LRFN5: variants seen among roughly 807,000 people sequenced by gnomAD.
LRFN5 encodes leucine rich repeat and fibronectin type III domain containing 5.
Under a neutral mutation model 45.6 loss-of-function variants are expected in LRFN5, and 24 were observed. The observed-to-expected ratio is 0.53, with a 90% CI of 0.38 to 0.74. The LOEUF (loss-of-function observed/expected upper bound fraction) is 0.74. LRFN5 is among the 30% of genes least tolerant of loss of function. LRFN5 has a pLI of 0.00. For missense variants in LRFN5, 776 were observed against 861.5 expected (o/e 0.90, Z 1.24); for synonymous variants, 340 against 313.8 (o/e 1.08, Z -0.88).
chr14:41,786,456 A>G (rs921391602), intron 2 of LRFN5, among the ~76,000 whole-genome samples: 4 of 151,472 alleles, frequency 2.6e-5, no homozygotes, highest in Admixed American at 2.0e-4. Context: ...ATATTTTCTG[A>G]GAACAGCATA....
At chr14:41,685,108 T>A (rs1256678019) in intron 1 of LRFN5, among the ~76,000 whole-genome samples, 4 of 152,166 alleles carry the variant, frequency 2.6e-5, no homozygotes, top group Admixed American at 1.3e-4. Context: ...AGATACTATC[T>A]TGTGCAAGTT....
intron 2 of LRFN5, among the ~76,000 whole-genome samples, chr14:41,834,515 C>T (rs950798585): frequency 2.0e-5 from 3 of 152,144 alleles, no homozygotes; most frequent in African/African-American, 7.2e-5. Context: ...ATGCTAATTA[C>T]ATAACATGTT....
intron 2 of LRFN5, among the ~76,000 whole-genome samples, chr14:41,884,941 T>C (rs936486633): frequency 1.3e-5 from 2 of 152,174 alleles, no homozygotes; most frequent in Non-Finnish European, 2.9e-5. Context: ...TCATAAAATA[T>C]GCTTTAATTA....
intron 2 of LRFN5, among the ~76,000 whole-genome samples, chr14:41,847,138 AT>A (rs563262184): frequency 8.6e-5 from 13 of 151,216 alleles, no homozygotes; most frequent in Admixed American, 3.3e-4. Context: ...AAGAGTAATT[AT>A]TTTTTTTTAG....
At chr14:41,900,501 CA>C (rs1486813089) in intron 5 of LRFN5, among the ~76,000 whole-genome samples, 7 of 151,752 alleles carry the variant, frequency 4.6e-5, no homozygotes, top group Non-Finnish European at 8.8e-5. Flanking sequence ...ATTAGTATTA[CA>C]AAAAATAAGA....
At chr14:41,803,491 A>G (rs1362602301) in intron 2 of LRFN5, among the ~76,000 whole-genome samples, 1 of 151,892 alleles carries the variant, frequency 6.6e-6, no homozygotes, top group Non-Finnish European at 1.5e-5. Flanking sequence ...AGCTAGGACT[A>G]CAAGTGCACC....
At chr14:41,756,560 G>T (rs1251380902) in intron 1 of LRFN5, among the ~76,000 whole-genome samples, 5 of 152,090 alleles carry the variant, frequency 3.3e-5, no homozygotes, top group Non-Finnish European at 1.5e-5. Flanking sequence ...GGCTACTGAG[G>T]CTTGTGCATT....
intron 2 of LRFN5, among the ~76,000 whole-genome samples, chr14:41,869,597 C>T (rs1889951262): frequency 6.6e-6 from 1 of 151,978 alleles, no homozygotes; most frequent in Non-Finnish European, 1.5e-5. Context: ...TAAAGATGTA[C>T]CCAAGACTGG....
At chr14:41,709,509 T>C (rs1883200400) in intron 1 of LRFN5, among the ~76,000 whole-genome samples, 1 of 152,038 alleles carries the variant, frequency 6.6e-6, no homozygotes, top group Admixed American at 6.6e-5. Context: ...ATTAATTCCT[T>C]TTTTATATTT....
chr14:41,858,121 G>A (rs1241362196), intron 2 of LRFN5, among the ~76,000 whole-genome samples: 1 of 152,158 alleles, frequency 6.6e-6, no homozygotes, highest in African/African-American at 2.4e-5. Context: ...AACGTATGGA[G>A]CCAGCTGTAG....
chr14:41,801,085 A>G (rs1298888641), intron 2 of LRFN5, among the ~76,000 whole-genome samples: 1 of 152,128 alleles, frequency 6.6e-6, no homozygotes, highest in Non-Finnish European at 1.5e-5. Context: ...TACATATTAC[A>G]TAATATACAT....
At chr14:41,900,087 T>C (rs1450221281) in intron 5 of LRFN5, among the ~76,000 whole-genome samples, 3 of 152,116 alleles carry the variant, frequency 2.0e-5, no homozygotes, top group Non-Finnish European at 4.4e-5. Flanking sequence ...TCTCCTTCTC[T>C]TTCTCTCTTT....
At position 41,610,661 on chromosome 14, in the gene LRFN5, T is replaced by TAAAAAAAAAAAAAAAAAAAAA. The variant is rs199770856; in HGVS notation, c.-197+2101_-197+2121dup. On this transcript the variant is annotated intron_variant, in intron 1 of 5. Coordinates refer to ENST00000298119, the MANE Select transcript of LRFN5 (RefSeq NM_152447.5). ...TACCCCTCTGAGGTCCCAGGGAAGGTAAAAAAAAAAAAAAAAAAAAAAGTG... is the reference window on the plus strand; with the variant it reads ...TACCCCTCTGAGGTCCCAGGGAAGGTAAAAAAAAAAAAAAAAAAAAAAAAAAAAAAAAAAAAAAAAAAAGTG... Among the ~76,000 whole-genome samples, 117 of 37,332 alleles carry TAAAAAAAAAAAAAAAAAAAAA rather than the reference T, an allele frequency of 3.1e-3. 24 individuals are homozygous for TAAAAAAAAAAAAAAAAAAAAA. The highest frequency in any genetic ancestry group is 4.6e-3 in the Non-Finnish European group (67 of 14,722). 24.5% of individuals were successfully genotyped at this position (37,332 alleles called of 152,430 possible).
chr14:41,876,454 T>C (rs1418655001), intron 2 of LRFN5, among the ~76,000 whole-genome samples: 2 of 150,052 alleles, frequency 1.3e-5, no homozygotes, highest in Non-Finnish European at 3.0e-5. Context: ...CTTTTTTTTT[T>C]TTTTTTCTTT....
chr14:41,809,424 G>A (rs1887662683), intron 2 of LRFN5, among the ~76,000 whole-genome samples: 1 of 151,494 alleles, frequency 6.6e-6, no homozygotes, highest in African/African-American at 2.4e-5. Flanking sequence ...AATATTGAGA[G>A]GGTGGCAAAA....
chr14:41,622,954 G>A (rs991340959), intron 1 of LRFN5, among the ~76,000 whole-genome samples: 2 of 151,984 alleles, frequency 1.3e-5, no homozygotes, highest in African/African-American at 4.8e-5. Context: ...AGACAAAAAC[G>A]AACTCAATTT....
At chr14:41,773,344 G>A (rs1359158901) in intron 2 of LRFN5, among the ~76,000 whole-genome samples, 2 of 151,952 alleles carry the variant, frequency 1.3e-5, no homozygotes, top group East Asian at 3.9e-4. Context: ...AACCAGATAT[G>A]TTCTTTCTAT....
chr14:41,899,004 G>A (rs1028220427), intron 5 of LRFN5, 44 bp downstream of exon 5: 11 of 1,435,284 alleles, frequency 7.7e-6, no homozygotes, highest in Admixed American at 2.2e-5. Context: ...ACTTAAATGG[G>A]TATACACTTT....
intron 1 of LRFN5, among the ~76,000 whole-genome samples, chr14:41,650,268 A>ACACACACAC (rs1437857911): frequency 0.072 from 9,348 of 129,202 alleles, 371 homozygotes; most frequent in East Asian, 0.088. Flanking sequence ...CACACACACA[A>ACACACACAC]AAAAAAAAAA....
Sources: allele counts gnomAD v4.1 joint callset (sites outside exome capture counted in the v4.1 genomes callset), GRCh38; gene constraint gnomAD v4.1.1; transcripts MANE v1.5; gene names NCBI Gene and HGNC (gene_info 2026-07-23, HGNC 2026-07-21).